KHDRBS2: variants seen among roughly 807,000 people sequenced by gnomAD.
The protein encoded by KHDRBS2 is KH domain-containing, RNA-binding, signal transduction-associated protein 2.
A neutral mutation model predicts 44.3 loss-of-function variants in KHDRBS2; 26 were observed. The ratio of observed to expected loss-of-function variants is 0.59; its 90% CI spans 0.43 to 0.81. The LOEUF is 0.81. KHDRBS2 is among the 40% of genes least tolerant of loss of function. The pLI, the probability that KHDRBS2 is intolerant of heterozygous loss-of-function variation, is 0.00. For missense variants in KHDRBS2, 476 were observed against 433.1 expected, an observed-to-expected ratio of 1.10 and a Z score of -0.88; for synonymous variants, 194 against 151.1, an observed-to-expected ratio of 1.28 and a Z score of -2.08.
chr6:61,972,431 A>G (rs1292609477), intron 4 of KHDRBS2, among the ~76,000 whole-genome samples: 1 of 152,202 alleles, frequency 6.6e-6, no homozygotes, highest in African/African-American at 2.4e-5. Context: ...CTATAGCAAT[A>G]CAGGAAATAT....
chr6:61,619,604 G>A, the KHDRBS2 span, among the ~76,000 whole-genome samples: 1 of 152,124 alleles, frequency 6.6e-6, no homozygotes, highest in Non-Finnish European at 1.5e-5. Context: ...ATAGGCATGT[G>A]CCACCACGCC....
intron 4 of KHDRBS2, among the ~76,000 whole-genome samples, chr6:61,959,123 G>A (rs941209902): frequency 3.9e-5 from 6 of 152,102 alleles, no homozygotes; most frequent in African/African-American, 1.2e-4. Context: ...CCGGTTTCCA[G>A]CCCAGTTTCT....
chr6:62,125,786 A>C (rs2150086037), intron 2 of KHDRBS2, among the ~76,000 whole-genome samples: 1 of 152,262 alleles, frequency 6.6e-6, no homozygotes, highest in Non-Finnish European at 1.5e-5. Flanking sequence ...CAGTCCTGGA[A>C]GAATTCTTCA....
chr6:61,862,054 C>T (rs974597916), intron 6 of KHDRBS2, among the ~76,000 whole-genome samples: 1 of 152,010 alleles, frequency 6.6e-6, no homozygotes, highest in Non-Finnish European at 1.5e-5. Flanking sequence ...GATTCATGCA[C>T]ATTGATTTTA....
At chr6:61,787,292 A>G (rs946908253) in intron 6 of KHDRBS2, among the ~76,000 whole-genome samples, 1 of 151,648 alleles carries the variant, frequency 6.6e-6, no homozygotes, top group African/African-American at 2.4e-5. Flanking sequence ...TTTTAGAAAT[A>G]AAATTAACTG....
At chr6:62,081,365 G>C (rs1324672299) in intron 2 of KHDRBS2, among the ~76,000 whole-genome samples, 1 of 152,142 alleles carries the variant, frequency 6.6e-6, no homozygotes, top group Non-Finnish European at 1.5e-5. Context: ...ATACTTGAAG[G>C]ACAGAGAGGA....
chr6:62,218,102 C>T (rs891238713), intron 1 of KHDRBS2, among the ~76,000 whole-genome samples: 2 of 151,734 alleles, frequency 1.3e-5, no homozygotes, highest in African/African-American at 2.4e-5. Context: ...GACTGCACAG[C>T]ATGTTCATTA....
intron 6 of KHDRBS2, among the ~76,000 whole-genome samples, chr6:61,778,776 T>C (rs1475043106): frequency 1.3e-5 from 2 of 152,156 alleles, no homozygotes; most frequent in African/African-American, 4.8e-5. Flanking sequence ...ATCTCTTTGC[T>C]CCACCAGTTT....
the KHDRBS2 span, among the ~76,000 whole-genome samples, chr6:61,642,217 C>T: frequency 3.8e-3 from 585 of 152,054 alleles, 3 homozygotes; most frequent in Non-Finnish European, 5.6e-3. Context: ...TTTATTTGTA[C>T]CTTAAATACC....
chr6:61,949,389 A>G (rs1764276438), intron 4 of KHDRBS2, among the ~76,000 whole-genome samples: 1 of 152,110 alleles, frequency 6.6e-6, no homozygotes, highest in African/African-American at 2.4e-5. Flanking sequence ...TATGGTGAAC[A>G]AACAGAATGA....
intron 6 of KHDRBS2, among the ~76,000 whole-genome samples, chr6:61,856,278 C>T (rs1244802722): frequency 1.3e-5 from 2 of 152,118 alleles, no homozygotes; most frequent in Non-Finnish European, 2.9e-5. Context: ...GTCTAAGCTT[C>T]ACTGCTACTG....
intron 2 of KHDRBS2, among the ~76,000 whole-genome samples, chr6:62,147,865 A>AC (rs1814281693): frequency 1.3e-5 from 2 of 151,982 alleles, no homozygotes; most frequent in Non-Finnish European, 2.9e-5. Context: ...TGATTAAGTA[A>AC]TTCATTTCAG....
At chr6:61,667,692 C>G in the KHDRBS2 span, among the ~76,000 whole-genome samples, 2 of 151,264 alleles carry the variant, frequency 1.3e-5, no homozygotes. Flanking sequence ...TTTAGCACAG[C>G]AGACTATTTG....
intron 6 of KHDRBS2, among the ~76,000 whole-genome samples, chr6:61,808,372 A>G: frequency 6.6e-6 from 1 of 152,144 alleles, no homozygotes; most frequent in Admixed American, 6.6e-5. Context: ...CATAAAACTT[A>G]TATTTTATAT....
At chr6:61,945,102 AAAAAAAAAAAG>A (rs1478519931) in intron 4 of KHDRBS2, among the ~76,000 whole-genome samples, 8 of 71,598 alleles carry the variant, frequency 1.1e-4, no homozygotes, top group South Asian at 5.0e-4. Flanking sequence ...AAAAAAAAAA[AAAAAAAAAAAG>A]TATATATATA....
the KHDRBS2 span, among the ~76,000 whole-genome samples, chr6:61,617,497 A>G: frequency 6.6e-6 from 1 of 152,176 alleles, no homozygotes; most frequent in African/African-American, 2.4e-5. Context: ...AACATTTATA[A>G]CATTCTAATA....
chr6:62,060,825 T>A (rs1791644880), intron 2 of KHDRBS2, among the ~76,000 whole-genome samples: 1 of 151,828 alleles, frequency 6.6e-6, no homozygotes, highest in South Asian at 2.1e-4. Flanking sequence ...TAGAAAAATG[T>A]GGGTCCTTTC....
intron 1 of KHDRBS2, among the ~76,000 whole-genome samples, chr6:62,182,196 T>C (rs1822456381): frequency 6.6e-6 from 1 of 152,062 alleles, no homozygotes; most frequent in Admixed American, 6.6e-5. Context: ...CCATTTATGG[T>C]ATTTTATTAT....
intron 4 of KHDRBS2, among the ~76,000 whole-genome samples, chr6:61,904,125 C>T (rs1804548978): frequency 6.6e-6 from 1 of 152,190 alleles, no homozygotes. Context: ...TCTCTCCAGC[C>T]CTGCCTAGAG....
Sources: allele counts gnomAD v4.1 joint callset (sites outside exome capture counted in the v4.1 genomes callset), GRCh38; gene constraint gnomAD v4.1.1; transcripts MANE v1.5; gene names NCBI Gene and HGNC (gene_info 2026-07-23, HGNC 2026-07-21).